The following H2BC4 variants were observed in gnomAD, a reference collection of about 807,000 sequenced individuals.
H2BC4 encodes the protein H2B clustered histone 4.
Under a neutral mutation model 6.2 loss-of-function variants are expected in H2BC4, and 10 were observed. The observed-to-expected ratio is 1.61, with a 90% CI of 0.99 to 2.73. H2BC4 has a LOEUF of 2.73. Ranked by LOEUF, H2BC4 falls within the 30% of genes most tolerant of loss-of-function variation. H2BC4 has a pLI of 0.00. For synonymous variants in H2BC4, 146 were observed against 70.7 expected (o/e 2.07, Z -5.35); for missense variants, 176 against 168.7 (o/e 1.04, Z -0.24).
chr6:26,119,961 A>C (rs2113796176), downstream of H2BC4, among the ~76,000 whole-genome samples: 1 of 152,252 alleles, frequency 6.6e-6, no homozygotes, highest in East Asian at 1.9e-4. Flanking sequence ...TGAAACTCAC[A>C]GTTAAACTTT....
At chr6:26,113,303 A>G (rs1270540966), downstream of H2BC4, among the ~76,000 whole-genome samples, 1 of 152,232 alleles carries the variant, frequency 6.6e-6, no homozygotes, top group Non-Finnish European at 1.5e-5. Context: ...TATCACTGTC[A>G]GTTAAGTGGT....
intron 1 of H2BC4, among the ~76,000 whole-genome samples, chr6:26,117,516 T>C (rs561729697): frequency 2.0e-5 from 3 of 152,180 alleles, no homozygotes; most frequent in East Asian, 1.9e-4. Context: ...TTTGTCATCA[T>C]TGAGCAGTGC....
downstream of H2BC4, among the ~76,000 whole-genome samples, chr6:26,121,939 G>A (rs1366955357): frequency 6.6e-6 from 1 of 151,608 alleles, no homozygotes; most frequent in Non-Finnish European, 1.5e-5. Flanking sequence ...TGTAATCCCA[G>A]CTACTCCGGA....
downstream of H2BC4, chr6:26,123,252 G>A (rs1763532928): frequency 3.7e-6 from 2 of 538,176 alleles, no homozygotes; most frequent in Admixed American, 3.9e-5. Flanking sequence ...GGAACGCCGA[G>A]TTAGCAAAAT....
Position 26,123,479 on chromosome 6 carries a change from A to G in H2BC4, c.*45T>C. The G allele has an allele frequency of 6.2e-7, 1 of 1,611,208 alleles. No homozygotes were observed. The highest frequency in any genetic ancestry group is 8.5e-7 in the Non-Finnish European group (1 of 1,178,988). Reference sequence around the variant, plus strand: ...TTTAGTGGGTATCTGGGTGGCTCTTAAAAGAGCCTTTGGGGTTAGGTGTTA... The same window carrying G: ...TTTAGTGGGTATCTGGGTGGCTCTTGAAAGAGCCTTTGGGGTTAGGTGTTA... On this transcript the variant is annotated 3_prime_UTR_variant, in exon 1 of 1. Coordinates refer to ENST00000396984, the MANE Select transcript of H2BC4 (RefSeq NM_003526.3).
intron 1 of H2BC4, among the ~76,000 whole-genome samples, chr6:26,116,001 T>G (rs533238545): frequency 5.4e-4 from 82 of 151,682 alleles, no homozygotes; most frequent in African/African-American, 1.9e-3. Flanking sequence ...GACAAGAAAA[T>G]AAAGGAAGGG....
At chr6:26,115,623 C>T (rs961717858) in intron 1 of H2BC4, among the ~76,000 whole-genome samples, 7 of 152,136 alleles carry the variant, frequency 4.6e-5, no homozygotes, top group East Asian at 1.9e-4. Flanking sequence ...ATTTTTAGAG[C>T]CTAGAACCCT....
downstream of H2BC4, among the ~76,000 whole-genome samples, chr6:26,119,896 A>T (rs1341335625): frequency 6.6e-6 from 1 of 152,070 alleles, no homozygotes; most frequent in Non-Finnish European, 1.5e-5. Context: ...GTTATTTAAA[A>T]ATTGTGAAGT....
chr6:26,120,468 T>C (rs868562248), downstream of H2BC4, among the ~76,000 whole-genome samples: 147 of 151,482 alleles, frequency 9.7e-4, no homozygotes, highest in Middle Eastern at 3.5e-3. Flanking sequence ...AAAAAGATAG[T>C]CTCAATCTTA....
chr6:26,118,460 T>C (rs755798439), intron 1 of H2BC4, among the ~76,000 whole-genome samples: 7 of 152,248 alleles, frequency 4.6e-5, no homozygotes, highest in Non-Finnish European at 7.3e-5. Context: ...AGTCAAGTTA[T>C]AAAGGTCCTT....
downstream of H2BC4, among the ~76,000 whole-genome samples, chr6:26,120,448 CAA>C (rs771002578): frequency 6.4e-5 from 7 of 109,332 alleles, no homozygotes; most frequent in African/African-American, 7.0e-5. Context: ...AATTCTGTCT[CAA>C]AAAAAAAAAA....
chr6:26,121,845 G>T (rs558524506), downstream of H2BC4, among the ~76,000 whole-genome samples: 1 of 151,800 alleles, frequency 6.6e-6, no homozygotes, highest in Admixed American at 6.6e-5. Flanking sequence ...CTGATGTCCG[G>T]AGTTCGAGAC....
downstream of H2BC4, among the ~76,000 whole-genome samples, chr6:26,113,685 T>G (rs1056117974): frequency 6.6e-6 from 1 of 152,148 alleles, no homozygotes; most frequent in Non-Finnish European, 1.5e-5. Context: ...TACCATAGAT[T>G]GTGTGGTTTA....
At chr6:26,122,478 A>T (rs1337444969), downstream of H2BC4, among the ~76,000 whole-genome samples, 1 of 152,170 alleles carries the variant, frequency 6.6e-6, no homozygotes, top group Non-Finnish European at 1.5e-5. Context: ...CATGAGTAAA[A>T]TACTTAAGGG....
downstream of H2BC4, among the ~76,000 whole-genome samples, chr6:26,114,207 C>A (rs1763391823): frequency 6.6e-6 from 1 of 152,074 alleles, no homozygotes; most frequent in Non-Finnish European, 1.5e-5. Context: ...AGAAAAGGCA[C>A]CTGATAAATA....
At chr6:26,122,563 A>G (rs1176919876), downstream of H2BC4, among the ~76,000 whole-genome samples, 3 of 152,134 alleles carry the variant, frequency 2.0e-5, no homozygotes, top group Non-Finnish European at 2.9e-5. Flanking sequence ...GATACAGTGT[A>G]TGTGCTAAGT....
At chr6:26,121,373 T>TTAGCATGCAAAAC (rs1581411556), downstream of H2BC4, among the ~76,000 whole-genome samples, 1 of 152,272 alleles carries the variant, frequency 6.6e-6, no homozygotes, top group Non-Finnish European at 1.5e-5. Context: ...GACGATAAAC[T>TTAGCATGCAAAAC]TTTAGCATGC....
At chr6:26,115,458 T>G (rs1216118570) in intron 1 of H2BC4, among the ~76,000 whole-genome samples, 1 of 152,242 alleles carries the variant, frequency 6.6e-6, no homozygotes, top group Non-Finnish European at 1.5e-5. Flanking sequence ...CTTGAATGTC[T>G]GTACGCTCTT....
Position 26,123,514 on chromosome 6 carries a change from C to T in H2BC4, c.*10G>A. 6.2e-7 allele frequency: 1 copy of T among 1,614,198 alleles called. No homozygotes were observed. Among genetic ancestry groups the T allele is most frequent in the Non-Finnish European group, 8.5e-7 (1 of 1,180,034 alleles). ...TTGGGGTTAGGTGTTAAGACGCTTA[C>T]TTGGAATGTTTACTTGGAGCTGGTG... is the stretch of plus-strand genomic sequence containing the variant. On this transcript the variant is annotated 3_prime_UTR_variant, in exon 1 of 1. Transcript: ENST00000396984.
Sources: gnomAD v4.1 joint callset for allele counts (sites outside exome capture counted in the v4.1 genomes callset) on GRCh38, gnomAD v4.1.1 for gene constraint, MANE v1.5 for transcripts, NCBI Gene and HGNC (gene_info 2026-07-23, HGNC 2026-07-21) for gene names.